The following NTHL1 variants were observed in gnomAD, a reference collection of about 807,000 sequenced individuals.
The protein encoded by NTHL1 is nth like DNA glycosylase 1, also known as endonuclease III-like protein 1.
Under a neutral mutation model 32.3 loss-of-function variants are expected in NTHL1, and 32 were observed. That is an observed-to-expected ratio of 0.99 (90% confidence interval 0.75 to 1.33). NTHL1 has a LOEUF of 1.33. Ranked by LOEUF, NTHL1 falls within the 40% of genes most tolerant of loss-of-function variation. NTHL1 has a pLI of 0.00. For missense variants in NTHL1, 501 were observed against 414.1 expected, an observed-to-expected ratio of 1.21 and a Z score of -1.82; for synonymous variants, 188 against 176.9, an observed-to-expected ratio of 1.06 and a Z score of -0.50.
chr16:2,044,363 A>G lies in NTHL1; in HGVS notation c.525+267T>C, dbSNP rs1480946966. On this transcript the variant is annotated intron_variant, in intron 3 of 5. Transcript: ENST00000651570. The surrounding 1 kb of genome is among the most constrained non-coding windows in gnomAD (Gnocchi z 5.0). ...TAAACAAAGGGAAAGGCGGGTGGGC[A>G]GGCAGCCTTGGCGGTGAGGAAGGGT... Among the ~76,000 whole-genome samples the G allele has an allele frequency of 6.6e-6, 1 of 152,146 alleles. No individual in the cohort carries two copies. Among genetic ancestry groups the G allele is most frequent in the Non-Finnish European group, 1.5e-5 (1 of 68,010 alleles).
intron 4 of NTHL1, 73 bp from the exon 5 acceptor site, chr16:2,040,311 G>A: frequency 7.1e-7 from 1 of 1,399,020 alleles, no homozygotes; most frequent in Non-Finnish European, 1.0e-6. Context: ...CCGCCCAGAG[G>A]CGAGTCTGCC....
At chr16:2,041,070 C>T (rs2084263696) in intron 4 of NTHL1, among the ~76,000 whole-genome samples, 1 of 152,244 alleles carries the variant, frequency 6.6e-6, no homozygotes. Context: ...CCGGTGGCCC[C>T]GGCCAGCTGC....
chr16:2,043,953 T>C lies in NTHL1; in HGVS notation c.526-227A>G. 1.7e-6 allele frequency: 1 copy of C among 574,680 alleles called. No individual in the cohort carries two copies. Among genetic ancestry groups the C allele is most frequent in the Non-Finnish European group, 3.1e-6 (1 of 319,926 alleles). The allele number at this position is 574,680 out of a possible 1,614,324, so 35.6% of individuals were successfully genotyped here. On this transcript the variant is annotated intron_variant, in intron 3 of 5. Coordinates refer to ENST00000651570, the MANE Select transcript of NTHL1 (RefSeq NM_002528.7). This position sits in a 1 kb window ranked among gnomAD's most constrained non-coding sequence, Gnocchi z 4.4. Reference sequence around the variant, plus strand: ...CCCGTGTGGGCCAATGATGCACGTGTAGGCTCTGGCTGGGGTTCCCCTGCC... The same window carrying C: ...CCCGTGTGGGCCAATGATGCACGTGCAGGCTCTGGCTGGGGTTCCCCTGCC...
In NTHL1 at chr16:2,039,994, C is replaced by T. The variant is rs2150937877; in HGVS notation, c.845G>A (p.Cys282Tyr). The T allele has an allele frequency of 6.2e-7, 1 of 1,611,002 alleles. No homozygotes were observed. The highest frequency in any genetic ancestry group is 8.5e-7 in the Non-Finnish European group (1 of 1,179,996). The change falls in exon 6 of 6, where the codon TGT (cysteine) becomes TAT (tyrosine). Residue 282 changes from cysteine (C) to tyrosine (Y), a missense_variant. Physicochemically the swap from Cys to Tyr is radical, Grantham distance 194. Transcript: ENST00000651570. ...GTGGCAGCGAGGGTGCACAGGCAGA[C>T]AGGTCTGCTGGCCGAAGCCCACCAA... ...GLLVGFGQQT[C>Y]LPVHPRCHAC...
Position 2,043,133 on chromosome 16 carries a change from C to G in NTHL1, c.685+434G>C, listed in dbSNP as rs942936204. Among the ~76,000 whole-genome samples the G allele has an allele frequency of 2.0e-5, 3 of 151,132 alleles. No individual in the cohort carries two copies. The highest frequency in any genetic ancestry group is 7.3e-5 in the African/African-American group (3 of 41,028). On this transcript the variant is annotated intron_variant, in intron 4 of 5. Transcript: ENST00000651570. This position sits in a 1 kb window ranked among gnomAD's most constrained non-coding sequence, Gnocchi z 4.4. Reference sequence around the variant, plus strand: ...CAGATGCTGTTCCTTCTGCTGGGAACACACTTCCTCCTCTTGGCCTGGCTC... The same window carrying G: ...CAGATGCTGTTCCTTCTGCTGGGAAGACACTTCCTCCTCTTGGCCTGGCTC...
At position 2,044,641 on chromosome 16, in the gene NTHL1, C is replaced by T. The variant is rs1567369944; in HGVS notation, c.514G>A (p.Gly172Ser). The T allele has an allele frequency of 2.5e-6, 4 of 1,605,438 alleles. No homozygotes were observed. Among genetic ancestry groups the T allele is most frequent in the Non-Finnish European group, 1.7e-6 (2 of 1,179,914 alleles). The change falls in exon 3 of 6, where the codon GGT (glycine) becomes AGT (serine). Residue 172 changes from glycine to serine, a missense_variant. Gly to Ser is a moderately conservative substitution (Grantham distance 56). Coordinates refer to ENST00000651570, the MANE Select transcript of NTHL1 (RefSeq NM_002528.7). This position sits in a 1 kb window ranked among gnomAD's most constrained non-coding sequence, Gnocchi z 5.0. ...ATLGKLIYPV[G>S]FWRSKVKYIK... ...CAGGCAGGGCTCACCCTCCAGAAAC[C>T]GACGGGGTAGATGAGCTTGCCCAGC...
At chr16:2,046,681 A>C (rs1046151905) in intron 1 of NTHL1, among the ~76,000 whole-genome samples, 1 of 152,096 alleles carries the variant, frequency 6.6e-6, no homozygotes, top group African/African-American at 2.4e-5. Flanking sequence ...CTTTTAAAAA[A>C]TCCTGGCCGG....
rs778087002 is a variant in NTHL1 at position 2,043,742 on chromosome 16, G to C, written c.526-16C>G. On this transcript the variant is annotated splice_polypyrimidine_tract_variant and intron_variant, in intron 3 of 5. Transcript: ENST00000651570. This position sits in a 1 kb window ranked among gnomAD's most constrained non-coding sequence, Gnocchi z 4.4. ...TCACCTTGCTCTGAAAGACAGGGGT[G>C]GGTTCAGCCTTGGAGGCAAGGGCAC... is the stretch of plus-strand genomic sequence containing the variant. The C allele has an allele frequency of 7.5e-6, 12 of 1,610,464 alleles. No individual in the cohort carries two copies. In the East Asian group the frequency reaches 1.6e-4, roughly 21 times the overall value.
chr16:2,044,731 C>T lies in NTHL1; in HGVS notation c.424G>A (p.Ala142Thr), dbSNP rs764907191. 8 of 1,611,252 alleles carry T rather than the reference C, an allele frequency of 5.0e-6. No individual in the cohort carries two copies. The East Asian group carries it at 6.7e-5, about 13-fold the overall frequency. The change falls in exon 3 of 6, where the codon GCC becomes ACC. Residue 142 changes from alanine to threonine, a missense_variant. Physicochemically the swap from Ala to Thr is moderately conservative, Grantham distance 58. Coordinates refer to ENST00000651570, the MANE Select transcript of NTHL1 (RefSeq NM_002528.7). This position sits in a 1 kb window ranked among gnomAD's most constrained non-coding sequence, Gnocchi z 5.0. ...SQTKDQVTAG[A>T]MQRLRARGLT... ...CCCCGCGCCCGCAGTCGCTGCATGGCGCCCGCCGTCACCTGGTCTTTGGTT... is the reference window on the plus strand; with the variant it reads ...CCCCGCGCCCGCAGTCGCTGCATGGTGCCCGCCGTCACCTGGTCTTTGGTT...
At chr16:2,040,392 C>A in intron 4 of NTHL1, 154 bp from the exon 5 acceptor site, 1 of 739,708 alleles carries the variant, frequency 1.4e-6, no homozygotes, top group South Asian at 1.5e-5. Context: ...ATGTGACCAT[C>A]TTGGCTGCCC....
Position 2,043,767 on chromosome 16 carries a change from C to T in NTHL1, c.526-41G>A, listed in dbSNP as rs576869024. 6 of 1,607,110 alleles carry T rather than the reference C, an allele frequency of 3.7e-6. No individual in the cohort carries two copies. The highest frequency in any genetic ancestry group is 2.7e-5 in the African/African-American group (2 of 75,050). ...GGGTTCAGCCTTGGAGGCAAGGGCA[C>T]AGCCCAACCTGGGAGGATGCAGCCC... On this transcript the variant is annotated intron_variant, in intron 3 of 5. Coordinates refer to ENST00000651570, the MANE Select transcript of NTHL1 (RefSeq NM_002528.7). This position sits in a 1 kb window ranked among gnomAD's most constrained non-coding sequence, Gnocchi z 4.4.
At position 2,043,577 on chromosome 16, in the gene NTHL1, C is replaced by CA. The variant is rs773281164; in HGVS notation, c.674dup (p.Ser226ValfsTer39). 4 of 1,607,632 alleles carry CA rather than the reference C, an allele frequency of 2.5e-6. No individual in the cohort carries two copies. On this transcript the variant is annotated frameshift_variant, in exon 4 of 6. Transcript: ENST00000651570. LOFTEE classifies it high-confidence loss of function. This position sits in a 1 kb window ranked among gnomAD's most constrained non-coding sequence, Gnocchi z 4.4. ...CCCTCCTCTACTCACCAATGCCTGA[C>CA]ACAGTGCCCCAGGCCACAGCCATAG...
Position 2,041,403 on chromosome 16 carries a change from T to C in NTHL1, c.686-1165A>G, listed in dbSNP as rs1211918494. On this transcript the variant is annotated intron_variant, in intron 4 of 5. Transcript: ENST00000651570. ...GGCCCAGAGTCACCCAGCCAGGAGGTGCAGAGCTGGGACCGGAGCCAGCAA... is the reference window on the plus strand; with the variant it reads ...GGCCCAGAGTCACCCAGCCAGGAGGCGCAGAGCTGGGACCGGAGCCAGCAA... Among the ~76,000 whole-genome samples, 4 of 151,320 alleles carry C rather than the reference T, an allele frequency of 2.6e-5. No individual in the cohort carries two copies. In the South Asian group the frequency reaches 8.4e-4, roughly 32 times the overall value.
intron 2 of NTHL1, among the ~76,000 whole-genome samples, chr16:2,045,823 C>G (rs1230184512): frequency 6.6e-6 from 1 of 152,212 alleles, no homozygotes; most frequent in Admixed American, 6.5e-5. Flanking sequence ...GATTAGAACT[C>G]AGCTTGGTCT....
chr16:2,046,693 C>T (rs1188150977), intron 1 of NTHL1, among the ~76,000 whole-genome samples: 1 of 152,078 alleles, frequency 6.6e-6, no homozygotes, highest in Admixed American at 6.6e-5. Flanking sequence ...CCTGGCCGGC[C>T]GGGCGCGGTG....
Position 2,043,604 on chromosome 16 carries a change from C to T in NTHL1, c.648G>A (p.Leu216=). The change falls in exon 4 of 6, where the codon CTG becomes CTA. Residue 216 remains leucine (L), a synonymous_variant. Transcript: ENST00000651570. The surrounding 1 kb of genome is among the most constrained non-coding windows in gnomAD (Gnocchi z 4.4). ...LPGVGPKMAH[L]AMAVAWGTVS... ...CAGTGCCCCAGGCCACAGCCATAGCCAGGTGTGCCATCTTGGGCCCAACAC... is the reference window on the plus strand; with the variant it reads ...CAGTGCCCCAGGCCACAGCCATAGCTAGGTGTGCCATCTTGGGCCCAACAC... The T allele has an allele frequency of 6.2e-7, 1 of 1,610,042 alleles. No homozygotes were observed. Among genetic ancestry groups the T allele is most frequent in the Non-Finnish European group, 8.5e-7 (1 of 1,179,966 alleles).
Position 2,043,787 on chromosome 16 carries a change from C to A in NTHL1, c.526-61G>T. On this transcript the variant is annotated intron_variant, in intron 3 of 5. Coordinates refer to ENST00000651570, the MANE Select transcript of NTHL1 (RefSeq NM_002528.7). The surrounding 1 kb of genome is among the most constrained non-coding windows in gnomAD (Gnocchi z 4.4). ...GGGCACAGCCCAACCTGGGAGGATGCAGCCCCCAGGAGACCCACAGGTGGC... is the reference window on the plus strand; with the variant it reads ...GGGCACAGCCCAACCTGGGAGGATGAAGCCCCCAGGAGACCCACAGGTGGC... 3 of 1,592,012 alleles carry A rather than the reference C, an allele frequency of 1.9e-6. No individual in the cohort carries two copies. Among genetic ancestry groups the A allele is most frequent in the Non-Finnish European group, 2.6e-6 (3 of 1,170,008 alleles).
chr16:2,044,489 G>T lies in NTHL1; in HGVS notation c.525+141C>A. On this transcript the variant is annotated intron_variant, in intron 3 of 5. Transcript: ENST00000651570. The surrounding 1 kb of genome is among the most constrained non-coding windows in gnomAD (Gnocchi z 5.0). Reference sequence around the variant, plus strand: ...GGGCGTCAGGCCTCAGGGCCCCACGGCCTGGGGGGGGCTTCAGGGGGACCC... The same window carrying T: ...GGGCGTCAGGCCTCAGGGCCCCACGTCCTGGGGGGGGCTTCAGGGGGACCC... The T allele has an allele frequency of 9.3e-7, 1 of 1,071,970 alleles. No individual in the cohort carries two copies. Among genetic ancestry groups the T allele is most frequent in the Non-Finnish European group, 1.4e-6 (1 of 722,702 alleles). The allele number at this position is 1,071,970 out of a possible 1,614,324, so 66.4% of individuals were successfully genotyped here.
chr16:2,046,482 T>C, intron 1 of NTHL1, 116 bp from the exon 2 acceptor site: 1 of 946,612 alleles, frequency 1.1e-6, no homozygotes, highest in Non-Finnish European at 1.6e-6. Flanking sequence ...GTCCATCATC[T>C]AATACACTTG....
Sources: allele counts gnomAD v4.1 joint callset (sites outside exome capture counted in the v4.1 genomes callset), GRCh38; gene constraint gnomAD v4.1.1; non-coding constraint Gnocchi (gnomAD v3.1); transcripts MANE v1.5; gene names NCBI Gene and HGNC (gene_info 2026-07-23, HGNC 2026-07-21).